Variants in TMEM108 observed in about 807,000 individuals in gnomAD.
The protein encoded by TMEM108 is transmembrane protein 108.
In TMEM108, 12 loss-of-function variants were observed where a neutral mutation model predicts 35.1. That is an observed-to-expected ratio of 0.34 (90% CI 0.22 to 0.55). The LOEUF is 0.55. Among genes scored for constraint, TMEM108 ranks in the 20% least tolerant of loss-of-function variants. The pLI is 0.89. For synonymous variants in TMEM108, 287 were observed against 308.6 expected (o/e 0.93, Z 0.73); for missense variants, 680 against 753.3 (o/e 0.90, Z 1.14).
chr3:133,073,822 T>C (rs1448364665), intron 2 of TMEM108, among the ~76,000 whole-genome samples: 2 of 152,044 alleles, frequency 1.3e-5, no homozygotes, highest in African/African-American at 2.4e-5. Context: ...CCAACACTTA[T>C]CTTTTATCTT....
chr3:133,319,083 C>T (rs2071233309), intron 3 of TMEM108, among the ~76,000 whole-genome samples: 1 of 152,038 alleles, frequency 6.6e-6, no homozygotes, highest in Non-Finnish European at 1.5e-5. Context: ...AACTGGCTTT[C>T]CCCCACTTCC....
intron 3 of TMEM108, among the ~76,000 whole-genome samples, chr3:133,334,720 T>A (rs1208823527): frequency 6.6e-6 from 1 of 152,190 alleles, no homozygotes; most frequent in Non-Finnish European, 1.5e-5. Flanking sequence ...TTAAAGTAAT[T>A]AAATAGTTAA....
chr3:133,397,745 T>C lies in TMEM108; in HGVS notation c.*1759T>C, dbSNP rs1296990801. 1 of 152,204 alleles carries C rather than the reference T, an allele frequency of 6.6e-6. No homozygotes were observed. The highest frequency in any genetic ancestry group is 1.5e-5 in the Non-Finnish European group (1 of 68,040). The allele number at this position is 152,204 out of a possible 1,614,324, so 9.4% of individuals were successfully genotyped here. On this transcript the variant is annotated 3_prime_UTR_variant, in exon 6 of 6. Coordinates refer to ENST00000321871, the MANE Select transcript of TMEM108 (RefSeq NM_023943.4). ...CCACAGATTTCAGCTACCATGTATATATAAATAAACTTATTTTATTAGCCA... is the reference window on the plus strand; with the variant it reads ...CCACAGATTTCAGCTACCATGTATACATAAATAAACTTATTTTATTAGCCA...
intron 2 of TMEM108, among the ~76,000 whole-genome samples, chr3:133,074,138 T>C (rs1229476153): frequency 6.6e-6 from 1 of 152,140 alleles, no homozygotes; most frequent in Non-Finnish European, 1.5e-5. Flanking sequence ...TTATTTTGTT[T>C]AAAATCACAG....
intron 3 of TMEM108, among the ~76,000 whole-genome samples, chr3:133,371,633 A>AC (rs1277489562): frequency 6.6e-6 from 1 of 150,838 alleles, no homozygotes; most frequent in East Asian, 1.9e-4. Flanking sequence ...AAAAAAAAAA[A>AC]AAAAAACCCA....
At chr3:133,388,878 C>T (rs2073191890) in intron 4 of TMEM108, 2 of 985,816 alleles carry the variant, frequency 2.0e-6, no homozygotes, top group South Asian at 9.4e-5. Flanking sequence ...TGGCCAGACC[C>T]TCAGGCTGCT....
intron 3 of TMEM108, among the ~76,000 whole-genome samples, chr3:133,318,348 A>T: frequency 6.6e-6 from 1 of 152,180 alleles, no homozygotes; most frequent in South Asian, 2.1e-4. Flanking sequence ...CATCTCAAGG[A>T]TATTATAGTC....
chr3:133,078,158 TGCACGCGCGCGCGCGCACAC>T (rs113129197), intron 2 of TMEM108, among the ~76,000 whole-genome samples: 9,090 of 116,558 alleles, frequency 0.078, 941 homozygotes, highest in African/African-American at 0.27. Context: ...TGTGTGTGTG[TGCACGCGCGCGCGCGCACAC>T]GTGTGTGTGT....
At chr3:133,078,853 T>C (rs535224665) in intron 2 of TMEM108, among the ~76,000 whole-genome samples, 14 of 152,352 alleles carry the variant, frequency 9.2e-5, no homozygotes, top group Admixed American at 4.6e-4. Flanking sequence ...TTGAAGGGAC[T>C]GATCATTTTC....
At chr3:133,317,481 A>G (rs147210401) in intron 3 of TMEM108, among the ~76,000 whole-genome samples, 1,699 of 152,348 alleles carry the variant, frequency 0.011, 108 homozygotes, top group Admixed American at 0.098. Context: ...TAATAGATTT[A>G]CACATTTCCC....
chr3:133,239,350 C>T (rs1449740100), intron 3 of TMEM108, among the ~76,000 whole-genome samples: 27 of 152,176 alleles, frequency 1.8e-4, no homozygotes. Context: ...CACTAAAATT[C>T]AGTATTTTAG....
At chr3:133,132,061 G>A (rs1438411419) in intron 2 of TMEM108, among the ~76,000 whole-genome samples, 1 of 152,176 alleles carries the variant, frequency 6.6e-6, no homozygotes, top group African/African-American at 2.4e-5. Flanking sequence ...AAAATGGAAA[G>A]CTAGCAGAGG....
chr3:133,238,354 A>G (rs983936813), intron 3 of TMEM108, among the ~76,000 whole-genome samples: 6 of 152,246 alleles, frequency 3.9e-5, no homozygotes, highest in African/African-American at 1.4e-4. Context: ...TTTAATTAAC[A>G]TATTTCGTCA....
intron 4 of TMEM108, chr3:133,387,808 T>G: frequency 1.0e-6 from 1 of 982,332 alleles, no homozygotes; most frequent in Non-Finnish European, 1.2e-6. Flanking sequence ...AGTAATAGAT[T>G]GTCACCTAGA....
At chr3:133,218,989 T>A (rs1945949367) in intron 2 of TMEM108, among the ~76,000 whole-genome samples, 1 of 152,126 alleles carries the variant, frequency 6.6e-6, no homozygotes. Context: ...TTGGTAGAGT[T>A]AAGTAGTTAA....
At position 133,206,163 on chromosome 3, in the gene TMEM108, CT is replaced by C. The variant is rs776464504; in HGVS notation, c.-46-23101del. Among the ~76,000 whole-genome samples the C allele has an allele frequency of 1.2e-4, 19 of 152,282 alleles. No homozygotes were observed. The East Asian group carries it at 1.3e-3, about 11-fold the overall frequency. On this transcript the variant is annotated intron_variant, in intron 2 of 5. Coordinates refer to ENST00000321871, the MANE Select transcript of TMEM108 (RefSeq NM_023943.4). ...TCAGCTCCATCAGGTCATTTATGTT[CT>C]TCTCTAAACTGGTTATTCCAGTTAA...
At chr3:133,106,115 A>G (rs1043207098) in intron 2 of TMEM108, among the ~76,000 whole-genome samples, 1 of 151,302 alleles carries the variant, frequency 6.6e-6, no homozygotes, top group African/African-American at 2.4e-5. Context: ...ACTGTGGGGA[A>G]TATGCAGTGT....
At chr3:133,105,388 C>T (rs193007165) in intron 2 of TMEM108, among the ~76,000 whole-genome samples, 1 of 152,274 alleles carries the variant, frequency 6.6e-6, no homozygotes, top group East Asian at 1.9e-4. Context: ...TCTAACCTTC[C>T]CTTCTGCCTC....
chr3:133,242,009 G>T (rs1946321210), intron 3 of TMEM108, among the ~76,000 whole-genome samples: 2 of 152,060 alleles, frequency 1.3e-5, no homozygotes, highest in Admixed American at 1.3e-4. Flanking sequence ...CAAAATCAGG[G>T]TGTTGAGGGG....
Sources: gnomAD v4.1 joint callset for allele counts (sites outside exome capture counted in the v4.1 genomes callset) on GRCh38, gnomAD v4.1.1 for gene constraint, MANE v1.5 for transcripts, NCBI Gene and HGNC (gene_info 2026-07-23, HGNC 2026-07-21) for gene names.